The following ADAMTS9 variants were observed in gnomAD, a reference collection of about 807,000 sequenced individuals.
ADAMTS9 encodes the protein ADAM metallopeptidase with thrombospondin type 1 motif 9.
A neutral mutation model predicts 257.1 loss-of-function variants in ADAMTS9; 107 were observed. That is an observed-to-expected ratio of 0.42 (90% confidence interval 0.36 to 0.49). The LOEUF is 0.49. ADAMTS9 is among the 20% of genes least tolerant of loss of function. The probability of loss-of-function intolerance (pLI) is 0.03; values close to 1 mark genes in which losing one functional copy is unlikely to be tolerated. For synonymous variants in ADAMTS9, 982 were observed against 880.9 expected, an observed-to-expected ratio of 1.11 and a Z score of -2.03; for missense variants, 2,353 against 2,469.1, an observed-to-expected ratio of 0.95 and a Z score of 1.00.
At chr3:64,543,565 C>A (rs927048574) in intron 32 of ADAMTS9, among the ~76,000 whole-genome samples, 1 of 152,216 alleles carries the variant, frequency 6.6e-6, no homozygotes, top group African/African-American at 2.4e-5. Flanking sequence ...CAAAATTCAA[C>A]AGCACTTCAT....
chr3:64,522,394 C>T (rs963519950), intron 38 of ADAMTS9, 134 bp from the exon 39 acceptor site: 1 of 715,788 alleles, frequency 1.4e-6, no homozygotes, highest in Non-Finnish European at 2.3e-6. Context: ...AACATACTCA[C>T]CATGGTCTAA....
chr3:64,617,897 T>C (rs1436355376), intron 19 of ADAMTS9, among the ~76,000 whole-genome samples: 1 of 152,204 alleles, frequency 6.6e-6, no homozygotes, highest in Admixed American at 6.5e-5. Flanking sequence ...GACCAATCAG[T>C]AACAATCTTC....
At chr3:64,594,535 G>A in intron 27 of ADAMTS9, 101 bp from the exon 28 acceptor site, 1 of 1,438,278 alleles carries the variant, frequency 7.0e-7, no homozygotes, top group Non-Finnish European at 9.6e-7. Context: ...TATGGCATTG[G>A]GCAAGGTAAG....
At chr3:64,603,053 T>C (rs981970740) in intron 25 of ADAMTS9, among the ~76,000 whole-genome samples, 1 of 152,166 alleles carries the variant, frequency 6.6e-6, no homozygotes, top group Non-Finnish European at 1.5e-5. Flanking sequence ...AGTGAGATTA[T>C]CTACTATTTA....
chr3:64,654,342 A>G lies in ADAMTS9; in HGVS notation c.1316+11T>C. The G allele has an allele frequency of 1.2e-6, 2 of 1,606,010 alleles. No individual in the cohort carries two copies. Among genetic ancestry groups the G allele is most frequent in the South Asian group, 1.1e-5 (1 of 89,258 alleles). On this transcript the variant is annotated intron_variant, in intron 8 of 39. Transcript: ENST00000498707. Reference sequence around the variant, plus strand: ...CTCCAAATTAAATGAAATTACTGAAAGGTAACTCACACATGGCCCAGCTCA... The same window carrying G: ...CTCCAAATTAAATGAAATTACTGAAGGGTAACTCACACATGGCCCAGCTCA...
chr3:64,607,569 G>A (rs1211110563), intron 22 of ADAMTS9, among the ~76,000 whole-genome samples: 1 of 152,104 alleles, frequency 6.6e-6, no homozygotes, highest in Non-Finnish European at 1.5e-5. Flanking sequence ...CAGGTAGTTA[G>A]GAAAATAATG....
chr3:64,546,850 T>C lies in ADAMTS9; in HGVS notation c.4972A>G (p.Asn1658Asp), dbSNP rs374167755. 1.2e-6 allele frequency: 2 copies of C among 1,614,002 alleles called. No homozygotes were observed. Among genetic ancestry groups the C allele is most frequent in the African/African-American group, 2.7e-5 (2 of 74,914 alleles). The change falls in exon 32 of 40, where the codon AAC (asparagine) becomes GAC (aspartate). Residue 1658 changes from asparagine (N) to aspartate (D), a missense_variant. Around this residue, in one of 3 missense-constraint regions of ADAMTS9, gnomAD observed 1,402 missense variants for 1,441.4 expected, o/e 0.97. Coordinates refer to ENST00000498707, the MANE Select transcript of ADAMTS9 (RefSeq NM_182920.2). ...CTGGGGGGCTGCGTGCCTGGGCAGT[T>C]GATGGTGGTTTGGTAGCTGTATTCA... Reference protein sequence around the residue: ...NYEYSYQTTINCPGTQPPSVH... With the variant: ...NYEYSYQTTIDCPGTQPPSVH...
At chr3:64,525,714 G>A (rs1382458709) in intron 38 of ADAMTS9, among the ~76,000 whole-genome samples, 2 of 151,764 alleles carry the variant, frequency 1.3e-5, no homozygotes, top group East Asian at 1.9e-4. Flanking sequence ...GGGTTCAAGC[G>A]ATTCTCCTGA....
intron 3 of ADAMTS9, among the ~76,000 whole-genome samples, chr3:64,666,211 T>C (rs1350130340): frequency 6.6e-6 from 1 of 152,184 alleles, no homozygotes; most frequent in African/African-American, 2.4e-5. Flanking sequence ...ACTAAATAAC[T>C]GGAATTATTT....
intron 28 of ADAMTS9, among the ~76,000 whole-genome samples, chr3:64,576,105 CT>C (rs897700526): frequency 3.3e-5 from 5 of 152,128 alleles, no homozygotes; most frequent in African/African-American, 9.7e-5. Flanking sequence ...CTGTAGTGCC[CT>C]TTTCTCTCTT....
chr3:64,613,417 C>T lies in ADAMTS9; in HGVS notation c.3282G>A (p.Glu1094=). 1 of 1,614,046 alleles carries T rather than the reference C, an allele frequency of 6.2e-7. No homozygotes were observed. The highest frequency in any genetic ancestry group is 1.3e-5 in the African/African-American group (1 of 75,046). The change falls in exon 22 of 40, where the codon GAG becomes GAA. Residue 1094 remains glutamate, a synonymous_variant. Transcript: ENST00000498707. ...DRLNDRMCDP[E]TKPTSMQTCQ... Reference sequence around the variant, plus strand: ...AAGTCTGCATAGATGTTGGCTTGGTCTCAGGGTCACACATTCTATCATTTA... The same window carrying T: ...AAGTCTGCATAGATGTTGGCTTGGTTTCAGGGTCACACATTCTATCATTTA...
chr3:64,610,715 C>T (rs1359405279), intron 22 of ADAMTS9, among the ~76,000 whole-genome samples: 1 of 151,902 alleles, frequency 6.6e-6, no homozygotes, highest in East Asian at 1.9e-4. Context: ...GAATGGAACC[C>T]TTGTATTATA....
At chr3:64,669,652 C>T (rs1701437454) in intron 3 of ADAMTS9, among the ~76,000 whole-genome samples, 1 of 152,150 alleles carries the variant, frequency 6.6e-6, no homozygotes, top group Non-Finnish European at 1.5e-5. Context: ...AACAGAGATT[C>T]CCCCTGAGCC....
At chr3:64,679,093 C>G (rs6776363) in intron 3 of ADAMTS9, among the ~76,000 whole-genome samples, 110,000 of 152,034 alleles carry the variant, frequency 0.72, 40,945 homozygotes, top group African/African-American at 0.89. Context: ...TTTTAACTAA[C>G]GCATCTTCAT....
At chr3:64,631,614 T>C in intron 15 of ADAMTS9, 64 bp from the exon 16 acceptor site, 1 of 1,414,010 alleles carries the variant, frequency 7.1e-7, no homozygotes. Context: ...AAGTATGGAA[T>C]AAAAAGTGGA....
At chr3:64,526,267 A>G (rs563376608) in intron 38 of ADAMTS9, among the ~76,000 whole-genome samples, 128 of 152,100 alleles carry the variant, frequency 8.4e-4, no homozygotes, top group African/African-American at 3.1e-3. Context: ...GTATACACGA[A>G]TCAAAATATC....
intron 23 of ADAMTS9, among the ~76,000 whole-genome samples, chr3:64,605,682 C>A (rs1346696239): frequency 6.6e-6 from 1 of 152,160 alleles, no homozygotes; most frequent in African/African-American, 2.4e-5. Context: ...ATGCCAAAAT[C>A]AAGGCCCATA....
At chr3:64,621,292 A>G in intron 18 of ADAMTS9, 52 bp from the exon 19 acceptor site, 1 of 1,553,880 alleles carries the variant, frequency 6.4e-7, no homozygotes, top group Non-Finnish European at 8.7e-7. Context: ...TATTCCATAA[A>G]CTATTTAGAC....
At chr3:64,593,716 T>C (rs2084303722) in intron 28 of ADAMTS9, among the ~76,000 whole-genome samples, 1 of 152,128 alleles carries the variant, frequency 6.6e-6, no homozygotes, top group Non-Finnish European at 1.5e-5. Flanking sequence ...GGTCACCTGT[T>C]CCATTTTTGG....
Sources: gnomAD v4.1 joint callset for allele counts (sites outside exome capture counted in the v4.1 genomes callset) on GRCh38, gnomAD v4.1.1 for gene constraint, gnomAD v4.1.1 regional missense constraint, MANE v1.5 for transcripts, NCBI Gene and HGNC (gene_info 2026-07-23, HGNC 2026-07-21) for gene names.